SKP1: variants seen among roughly 807,000 people sequenced by gnomAD.
The protein encoded by SKP1 is S-phase kinase associated protein 1, also known as S-phase kinase-associated protein 1.
SKP1 carries 1 observed loss-of-function variant against 21.5 expected under a neutral mutation model. That is an observed-to-expected ratio of 0.05 (90% CI 0.02 to 0.22). The LOEUF is 0.22. Among genes scored for constraint, SKP1 ranks in the 10% least tolerant of loss-of-function variants. The probability of loss-of-function intolerance (pLI) is 1.00; values close to 1 mark genes in which losing one functional copy is unlikely to be tolerated. For missense variants in SKP1, 70 were observed against 192.0 expected, an observed-to-expected ratio of 0.36 and a Z score of 3.76; for synonymous variants, 59 against 59.3, an observed-to-expected ratio of 0.99 and a Z score of 0.03.
chr5:134,171,248 T>C (rs1391085091), intron 2 of SKP1, among the ~76,000 whole-genome samples: 1 of 152,220 alleles, frequency 6.6e-6, no homozygotes, highest in Non-Finnish European at 1.5e-5. Context: ...AAGTATCTGC[T>C]GCTAGAAGTC....
chr5:134,168,539 A>T (rs1761377225), intron 2 of SKP1, among the ~76,000 whole-genome samples: 1 of 152,212 alleles, frequency 6.6e-6, no homozygotes, highest in Non-Finnish European at 1.5e-5. Flanking sequence ...TATGAGGAAC[A>T]GTTAACAATA....
At chr5:134,165,733 A>C (rs1761318198) in intron 3 of SKP1, among the ~76,000 whole-genome samples, 1 of 151,818 alleles carries the variant, frequency 6.6e-6, no homozygotes. Context: ...AAAAAATACA[A>C]AAATTAGCCA....
At chr5:134,163,561 A>AGAC (rs1478208790) in intron 3 of SKP1, among the ~76,000 whole-genome samples, 1 of 150,784 alleles carries the variant, frequency 6.6e-6, no homozygotes, top group African/African-American at 2.4e-5. Flanking sequence ...AGGCCAAAGG[A>AGAC]GACAGATCGC....
chr5:134,161,026 G>T lies in SKP1; in HGVS notation c.276C>A (p.Phe92Leu). 1 of 1,612,742 alleles carries T rather than the reference G, an allele frequency of 6.2e-7. No individual in the cohort carries two copies. Among genetic ancestry groups the T allele is most frequent in the Non-Finnish European group, 8.5e-7 (1 of 1,179,594 alleles). The change falls in exon 4 of 6, where the codon TTC becomes TTA. Residue 92 changes from phenylalanine (F) to leucine (L), a missense_variant. Phe to Leu is a conservative substitution (Grantham distance 22, BLOSUM62 0). Around this residue, in one of 4 missense-constraint regions of SKP1, gnomAD observed 33 missense variants for 64.9 expected, o/e 0.51. Transcript: ENST00000353411. ...AAAGTGTTCCTTGGTCAACTTTCAG[G>T]AATTCTTGGTCCCAAACAGGGATAT... ...TDDIPVWDQE[F>L]LKVDQGTLFE...
chr5:134,170,214 A>G (rs1212364287), intron 2 of SKP1, among the ~76,000 whole-genome samples: 1 of 152,046 alleles, frequency 6.6e-6, no homozygotes, highest in East Asian at 1.9e-4. Flanking sequence ...ATGACTGTAA[A>G]GGATTGTAAA....
intron 3 of SKP1, chr5:134,161,532 G>C (rs1761220044): frequency 6.5e-6 from 1 of 153,886 alleles, no homozygotes; most frequent in South Asian, 2.1e-4. Context: ...CAAACATAAG[G>C]AACGCTCAAC....
intron 1 of SKP1, 143 bp from the exon 2 acceptor site, chr5:134,174,165 T>C: frequency 1.6e-6 from 1 of 621,128 alleles, no homozygotes; most frequent in South Asian, 2.1e-5. Context: ...AAAGCACTGT[T>C]GTAAGCAGTT....
chr5:134,164,888 A>G (rs1761297759), intron 3 of SKP1, among the ~76,000 whole-genome samples: 1 of 152,278 alleles, frequency 6.6e-6, no homozygotes, highest in South Asian at 2.1e-4. Context: ...TTAGACAACA[A>G]CATGGATGAA....
rs760201963 is a variant in SKP1 at position 134,158,530 on chromosome 5, G to A, written c.381C>T (p.Ile127=). Residue 127 remains isoleucine, a synonymous_variant, in exon 5 of 6, where the codon ATC becomes ATT. Coordinates refer to ENST00000353411, the MANE Select transcript of SKP1 (RefSeq NM_170679.3). ...GAATCTCCTCAGGAGTTTTCCCCTTGATCATATTGGCAACAGTCTTGCATG... is the reference window on the plus strand; with the variant it reads ...GAATCTCCTCAGGAGTTTTCCCCTTAATCATATTGGCAACAGTCTTGCATG... ...DVTCKTVANM[I]KGKTPEEIRK... 8 of 1,613,448 alleles carry A rather than the reference G, an allele frequency of 5.0e-6. No homozygotes were observed. The East Asian group carries it at 1.8e-4, about 36-fold the overall frequency.
At position 134,158,595 on chromosome 5, in the gene SKP1, C is replaced by A; in HGVS notation, c.316G>T (p.Ala106Ser). 6.2e-7 allele frequency: 1 copy of A among 1,612,564 alleles called. No homozygotes were observed. The highest frequency in any genetic ancestry group is 8.5e-7 in the Non-Finnish European group (1 of 1,179,342). Residue 106 changes from alanine to serine, a missense_variant and splice_region_variant, in exon 5 of 6, where the codon GCT becomes TCT. By Grantham distance (99) the Ala-to-Ser change is moderately conservative. This residue lies in a region of SKP1 where 14 missense variants were observed against 82.1 expected (regional missense o/e 0.17). Transcript: ENST00000353411. ...CCTTTGATGTCTAAGTAGTTTGCAG[C>A]CTGTAAAGAGACAGTTGTTTTCCTT... ...DQGTLFELIL[A>S]ANYLDIKGLL...
rs1359828753 is a variant in SKP1 at position 134,154,504 on chromosome 5, C to T, written c.*3229G>A. ...GAATTTGAGGGGGCACATCTTTAGCCTATGACAATGTTAAGGAGAAAATAA... is the reference window on the plus strand; with the variant it reads ...GAATTTGAGGGGGCACATCTTTAGCTTATGACAATGTTAAGGAGAAAATAA... On this transcript the variant is annotated 3_prime_UTR_variant, in exon 6 of 6. Transcript: ENST00000353411. 1 of 149,906 alleles carries T rather than the reference C, an allele frequency of 6.7e-6. No individual in the cohort carries two copies. The highest frequency in any genetic ancestry group is 6.7e-5 in the Admixed American group (1 of 14,998). The allele number at this position is 149,906 out of a possible 1,614,324, so 9.3% of individuals were successfully genotyped here.
chr5:134,173,723 G>A (rs1230272105), intron 2 of SKP1: 2 of 665,768 alleles, frequency 3.0e-6, no homozygotes, highest in Non-Finnish European at 5.6e-6. Flanking sequence ...TCCATTTAAT[G>A]AGAGAACGAC....
In SKP1 at chr5:134,158,482, A is replaced by G. The variant is rs761440236; in HGVS notation, c.429T>C (p.Asn143=). The change falls in exon 5 of 6, where the codon AAT becomes AAC. Residue 143 remains asparagine, a synonymous_variant. Transcript: ENST00000353411. ...GGGCTTCCTCCTCTTCAGTAAAGTC[A>G]TTTTTGATATTGAAGGTCTTGCGAA... The part of the protein sequence containing the change: ...EEIRKTFNIK[N]DFTEEEEAQV... 2.5e-6 allele frequency: 4 copies of G among 1,614,006 alleles called. No homozygotes were observed. The highest frequency in any genetic ancestry group is 2.2e-5 in the South Asian group (2 of 91,066).
Position 134,150,502 on chromosome 5 carries a change from T to C in SKP1, c.*7231A>G, listed in dbSNP as rs1761028344. The C allele has an allele frequency of 6.6e-6, 1 of 152,196 alleles. No homozygotes were observed. Among genetic ancestry groups the C allele is most frequent in the Admixed American group, 6.5e-5 (1 of 15,282 alleles). 9.4% of individuals were successfully genotyped at this position (152,196 alleles called of 1,614,324 possible). On this transcript the variant is annotated 3_prime_UTR_variant, in exon 6 of 6. Coordinates refer to ENST00000353411, the MANE Select transcript of SKP1 (RefSeq NM_170679.3). ...GGTAACAAGGCCATGTTAAACTACC[T>C]CTTAGGCCTATATGTCAAAGTAGAA...
intron 3 of SKP1, chr5:134,161,600 A>G (rs563552812): frequency 1.3e-5 from 2 of 152,630 alleles, no homozygotes; most frequent in Admixed American, 1.3e-4. Context: ...AAAAATCAAG[A>G]AACTGATACT....
In SKP1 at chr5:134,176,903, G is replaced by C. The variant is rs1366109433; in HGVS notation, c.-49C>G. ...CCGGCGGGAGGCTGACGAGAGCCGG[G>C]AGGCGTTAGCGAAGGAAGAGAAAAA... On this transcript the variant is annotated 5_prime_UTR_variant, in exon 1 of 6. Coordinates refer to ENST00000353411, the MANE Select transcript of SKP1 (RefSeq NM_170679.3). 1.3e-5 allele frequency: 2 copies of C among 153,178 alleles called. No homozygotes were observed. Among genetic ancestry groups the C allele is most frequent in the East Asian group, 1.9e-4 (1 of 5,198 alleles). The allele number at this position is 153,178 out of a possible 1,614,324, so 9.5% of individuals were successfully genotyped here.
rs902628085 is a variant in SKP1 at position 134,159,021 on chromosome 5, T to G, written c.316-426A>C. Among the ~76,000 whole-genome samples, 3 of 152,242 alleles carry G rather than the reference T, an allele frequency of 2.0e-5. No individual in the cohort carries two copies. In the East Asian group the frequency reaches 5.8e-4, roughly 29 times the overall value. ...TATTGTTTACCTGTTTTCTATTTCA[T>G]TGATTTCTGCCCTTTAATATTCTCA... On this transcript the variant is annotated intron_variant, in intron 4 of 5. Transcript: ENST00000353411.
intron 2 of SKP1, chr5:134,171,159 A>T: frequency 2.7e-6 from 1 of 374,904 alleles, no homozygotes; most frequent in South Asian, 2.0e-5. Flanking sequence ...AGCTTTTATC[A>T]GAAAACAGAA....
At chr5:134,157,819 A>T in intron 5 of SKP1, 51 bp from the exon 6 acceptor site, 1 of 1,612,868 alleles carries the variant, frequency 6.2e-7, no homozygotes, top group Non-Finnish European at 8.5e-7. Context: ...GTCTTTCCTA[A>T]GACTTATAAA....
Sources: gnomAD v4.1 joint callset for allele counts (sites outside exome capture counted in the v4.1 genomes callset) on GRCh38, gnomAD v4.1.1 for gene constraint, gnomAD v4.1.1 regional missense constraint, MANE v1.5 for transcripts, NCBI Gene and HGNC (gene_info 2026-07-23, HGNC 2026-07-21) for gene names.